Variants in MED14 observed in about 807,000 individuals in gnomAD.
MED14 encodes the protein mediator of RNA polymerase II transcription subunit 14.
In MED14, 8 loss-of-function variants were observed where a neutral mutation model predicts 109.0. The observed-to-expected ratio is 0.07, with a 90% CI of 0.04 to 0.13. MED14 has a LOEUF of 0.13. Ranked by LOEUF, MED14 falls within the 10% of genes least tolerant of loss-of-function variation. The pLI, the probability that MED14 is intolerant of heterozygous loss-of-function variation, is 1.00. For missense variants in MED14, 711 were observed against 1,142.4 expected, an observed-to-expected ratio of 0.62 and a Z score of 5.44; for synonymous variants, 399 against 408.7, an observed-to-expected ratio of 0.98 and a Z score of 0.29.
At chrX:40,729,169 G>A (rs1320666173) in intron 2 of MED14, 150 bp downstream of exon 2, 2 of 480,206 alleles carry the variant, frequency 4.2e-6, no homozygotes, top group Non-Finnish European at 6.9e-6. Flanking sequence ...ACATTTCCCA[G>A]GACTCCCTAA....
At chrX:40,717,254 G>A (rs1291462742) in intron 3 of MED14, among the ~76,000 whole-genome samples, 1 of 107,530 alleles carries the variant, frequency 9.3e-6, no homozygotes, top group African/African-American at 3.4e-5. Context: ...CTCAAAATAT[G>A]TACAACTATG....
At chrX:40,735,872 G>C (rs1273528478), upstream of MED14, 19 of 280,458 alleles carry the variant, frequency 6.8e-5, no homozygotes, top group East Asian at 2.1e-3. Context: ...GAGCGCGCGG[G>C]AGAGCGGAAA....
chrX:40,666,102 A>C (rs1929469453), intron 24 of MED14, among the ~76,000 whole-genome samples: 1 of 112,077 alleles, frequency 8.9e-6, no homozygotes, highest in Non-Finnish European at 1.9e-5. Flanking sequence ...AAGTGAAAAA[A>C]GGCACTGAAC....
intron 26 of MED14, among the ~76,000 whole-genome samples, chrX:40,660,671 G>A (rs1294971808): frequency 8.9e-6 from 1 of 112,368 alleles, no homozygotes; most frequent in Non-Finnish European, 1.9e-5. Context: ...TGTTGATTAT[G>A]CAGCTGAGCA....
Position 40,649,852 on chromosome X carries a change from ATCTTAC to A in MED14, c.*1948_*1953del. On this transcript the variant is annotated 3_prime_UTR_variant, in exon 31 of 31. Coordinates refer to ENST00000324817, the MANE Select transcript of MED14 (RefSeq NM_004229.4). ...AAGCAAATTTTGCGCACTGAATCCT[ATCTTAC>A]TCTTGATTGGCACAATGCATTCAGA... The A allele has an allele frequency of 1.3e-6, 1 of 781,772 alleles. No homozygotes were observed. The highest frequency in any genetic ancestry group is 5.9e-5 in the South Asian group (1 of 17,001). The allele number at this position is 781,772 out of a possible 1,213,427, so 64.4% of individuals were successfully genotyped here.
chrX:40,654,404 G>A lies in MED14; in HGVS notation c.4251C>T (p.Asn1417=), dbSNP rs766594428. 3 of 1,211,849 alleles carry A rather than the reference G, an allele frequency of 2.5e-6. No individual in the cohort carries two copies. In the South Asian group the frequency reaches 5.3e-5, roughly 21 times the overall value. ...TCATCTCTGCAAACCTCTTCAGAATGTTGCTGACCATCATGGGAGCAGCAA... is the reference window on the plus strand; with the variant it reads ...TCATCTCTGCAAACCTCTTCAGAATATTGCTGACCATCATGGGAGCAGCAA... ...SSVAAPMMVS[N]ILKRFAEMNP... Residue 1417 remains asparagine (N), a synonymous_variant, in exon 30 of 31, where the codon AAC becomes AAT. Coordinates refer to ENST00000324817, the MANE Select transcript of MED14 (RefSeq NM_004229.4).
chrX:40,706,678 C>A (rs1271334954), intron 10 of MED14, among the ~76,000 whole-genome samples: 1 of 112,008 alleles, frequency 8.9e-6, no homozygotes, highest in African/African-American at 3.2e-5. Context: ...TAGAAATCTT[C>A]AGAACCTAGG....
intron 16 of MED14, among the ~76,000 whole-genome samples, chrX:40,686,660 G>A (rs1282785985): frequency 4.5e-5 from 5 of 111,741 alleles, no homozygotes; most frequent in South Asian, 3.7e-4. Flanking sequence ...TACCTTCCAC[G>A]GAAACAGATT....
chrX:40,709,403 A>C lies in MED14; in HGVS notation c.1230T>G (p.His410Gln), dbSNP rs1428726037. 1.7e-6 allele frequency: 2 copies of C among 1,155,820 alleles called. No homozygotes were observed. Among genetic ancestry groups the C allele is most frequent in the Non-Finnish European group, 2.3e-6 (2 of 860,460 alleles). ...TGGCCTTCAGTTCTTGGAGCTTCTG[A>C]TGAGCTCTTGCATGGACACTGTCAA... ...LLIDSVHARA[H>Q]QKLQELKAIL... Residue 410 changes from histidine to glutamine, a missense_variant, in exon 10 of 31, where the codon CAT becomes CAG. By Grantham distance (24) the His-to-Gln change is conservative. This residue lies in a region of MED14 where 388 missense variants were observed against 517.3 expected (regional missense o/e 0.75). Transcript: ENST00000324817.
In MED14 at chrX:40,701,294, C is replaced by G. The variant is rs1196117627; in HGVS notation, c.1412-51G>C. 5.0e-6 allele frequency: 4 copies of G among 793,156 alleles called. No individual in the cohort carries two copies. In the African/African-American group the frequency reaches 8.3e-5, roughly 16 times the overall value. The allele number at this position is 793,156 out of a possible 1,213,427, so 65.4% of individuals were successfully genotyped here. Reference sequence around the variant, plus strand: ...TAATTGCTTATATGAGAAACAAAATCTTTATCTAGGTAGTGTAAAACAAAT... The same window carrying G: ...TAATTGCTTATATGAGAAACAAAATGTTTATCTAGGTAGTGTAAAACAAAT... On this transcript the variant is annotated intron_variant, in intron 11 of 30. Transcript: ENST00000324817.
chrX:40,702,942 A>G (rs1319938746), intron 11 of MED14, among the ~76,000 whole-genome samples: 1 of 112,210 alleles, frequency 8.9e-6, no homozygotes, highest in Non-Finnish European at 1.9e-5. Flanking sequence ...TCATCATTTC[A>G]TAACACTGAC....
In MED14 at chrX:40,714,449, G is replaced by GT. The variant is rs1931446733; in HGVS notation, c.522+87dup. ...TATATGTACTGTTTGTTTTAACAAT[G>GT]TTTTTTGCTGGGCTACTTAATAATA... is the stretch of plus-strand genomic sequence containing the variant. On this transcript the variant is annotated intron_variant, in intron 4 of 30. Transcript: ENST00000324817. 1.0e-5 allele frequency: 10 copies of GT among 978,415 alleles called. No homozygotes were observed. In the South Asian group the frequency reaches 2.3e-4, roughly 23 times the overall value. The allele number at this position is 978,415 out of a possible 1,213,427, so 80.6% of individuals were successfully genotyped here. A position where few individuals can be genotyped will look rare whatever the true frequency, so the allele number is the denominator to read the frequency against.
At chrX:40,660,523 C>T (rs1028607504) in intron 26 of MED14, among the ~76,000 whole-genome samples, 1 of 112,010 alleles carries the variant, frequency 8.9e-6, no homozygotes, top group Non-Finnish European at 1.9e-5. Context: ...TCAATGTTGT[C>T]ATCACAGCTG....
chrX:40,735,092 C>T (rs1302233439), intron 1 of MED14, 106 bp downstream of exon 1: 1 of 570,901 alleles, frequency 1.8e-6, no homozygotes. Flanking sequence ...ACTAAGCAGT[C>T]CAGCGGAGAA....
chrX:40,696,110 A>C (rs541564042), intron 13 of MED14, among the ~76,000 whole-genome samples: 2 of 107,149 alleles, frequency 1.9e-5, no homozygotes, highest in Non-Finnish European at 3.9e-5. Flanking sequence ...CTTAGCCAAC[A>C]TATCTACTTG....
At chrX:40,710,225 C>G (rs1016468597) in intron 8 of MED14, 96 bp from the exon 9 acceptor site, 2 of 517,477 alleles carry the variant, frequency 3.9e-6, no homozygotes, top group East Asian at 8.3e-5. Flanking sequence ...TAGCCACAGC[C>G]TGGAATACGG....
chrX:40,682,760 A>C lies in MED14; in HGVS notation c.2219-11T>G. 1 of 1,206,204 alleles carries C rather than the reference A, an allele frequency of 8.3e-7. No individual in the cohort carries two copies. The highest frequency in any genetic ancestry group is 1.1e-6 in the Non-Finnish European group (1 of 891,702). Reference sequence around the variant, plus strand: ...CGTGCCGGGATGGTCCTACAGGATTAAAAGAGAATATTAATAGTAATCGAT... The same window carrying C: ...CGTGCCGGGATGGTCCTACAGGATTCAAAGAGAATATTAATAGTAATCGAT... On this transcript the variant is annotated splice_polypyrimidine_tract_variant and intron_variant, in intron 17 of 30. Transcript: ENST00000324817.
Position 40,729,585 on chromosome X carries a change from G to A in MED14, c.216-240C>T, listed in dbSNP as rs1290046625. 21 of 367,530 alleles carry A rather than the reference G, an allele frequency of 5.7e-5. No individual in the cohort carries two copies. The East Asian group carries it at 9.3e-4, about 16-fold the overall frequency. 30.3% of individuals were successfully genotyped at this position (367,530 alleles called of 1,213,427 possible). A position where few individuals can be genotyped will look rare whatever the true frequency, so the allele number is the denominator to read the frequency against. On this transcript the variant is annotated intron_variant, in intron 1 of 30. Coordinates refer to ENST00000324817, the MANE Select transcript of MED14 (RefSeq NM_004229.4). Reference sequence around the variant, plus strand: ...CATTCAAAATACTTCAAAATGTATTGCATGAACCTTAAACATTTAAAAAGC... The same window carrying A: ...CATTCAAAATACTTCAAAATGTATTACATGAACCTTAAACATTTAAAAAGC...
Position 40,712,277 on chromosome X carries a change from A to T in MED14, c.798T>A (p.Val266=). ...GGATGAAGCTGATTTGCATGCTATG[A>T]ACCAAAGCTCGCCCATCTTCCGTTG... ...DKETGDGRAL[V]HSMQISFIHQ... Residue 266 remains valine (V), a synonymous_variant, in exon 7 of 31, where the codon GTT becomes GTA. Transcript: ENST00000324817. 8.3e-6 allele frequency: 10 copies of T among 1,205,371 alleles called. No individual in the cohort carries two copies. The highest frequency in any genetic ancestry group is 1.0e-5 in the Non-Finnish European group (9 of 892,134).
Sources: allele counts gnomAD v4.1 joint callset (sites outside exome capture counted in the v4.1 genomes callset), GRCh38; gene constraint gnomAD v4.1.1; regional missense constraint gnomAD v4.1.1; transcripts MANE v1.5; gene names NCBI Gene and HGNC (gene_info 2026-07-23, HGNC 2026-07-21).